The following ABCC9 variants were observed in gnomAD, a reference collection of about 807,000 sequenced individuals.
ABCC9 encodes ATP-binding cassette sub-family C member 9.
ABCC9 carries 95 observed loss-of-function variants against 188.3 expected under a neutral mutation model. The ratio of observed to expected loss-of-function variants is 0.50; its 90% confidence interval spans 0.43 to 0.60. ABCC9 has a LOEUF of 0.60. Ranked by LOEUF, ABCC9 falls within the 20% of genes least tolerant of loss-of-function variation. The pLI, the probability that ABCC9 is intolerant of heterozygous loss-of-function variation, is 0.00. For missense variants in ABCC9, 1,102 were observed against 1,876.3 expected, an observed-to-expected ratio of 0.59 and a Z score of 7.62; for synonymous variants, 659 against 652.7, an observed-to-expected ratio of 1.01 and a Z score of -0.15.
intron 15 of ABCC9, among the ~76,000 whole-genome samples, chr12:21,884,672 T>C (rs1438040924): frequency 6.6e-6 from 1 of 152,152 alleles, no homozygotes; most frequent in Non-Finnish European, 1.5e-5. Context: ...AATAGTACAT[T>C]GCTAGGCTAC....
rs1941294760 is a variant in ABCC9, at chr12:21,798,931, G to T, written c.*2113C>A. The T allele has an allele frequency of 6.6e-6, 1 of 150,392 alleles. No individual in the cohort carries two copies. Among genetic ancestry groups the T allele is most frequent in the South Asian group, 2.1e-4 (1 of 4,716 alleles). 9.3% of individuals were successfully genotyped at this position (150,392 alleles called of 1,614,324 possible). On this transcript the variant is annotated 3_prime_UTR_variant, in exon 40 of 40. Coordinates refer to ENST00000261200, the MANE Select transcript of ABCC9 (RefSeq NM_020297.4). ...ACTATGCAGCCATACAAAATGATGA[G>T]TTCATGTCCTTTGTAGGGACATGGA...
At chr12:21,845,526 C>A in intron 26 of ABCC9, 77 bp downstream of exon 26, 1 of 1,151,270 alleles carries the variant, frequency 8.7e-7, no homozygotes, top group East Asian at 2.5e-5. Context: ...ATATAAGCAT[C>A]TAACTAGATA....
chr12:21,800,907 GA>G lies in ABCC9; in HGVS notation c.*136del, dbSNP rs1941395632. 2.0e-6 allele frequency: 2 copies of G among 1,010,446 alleles called. No individual in the cohort carries two copies. Among genetic ancestry groups the G allele is most frequent in the African/African-American group, 3.3e-5 (2 of 61,324 alleles). The allele number at this position is 1,010,446 out of a possible 1,614,324, so 62.6% of individuals were successfully genotyped here. A position where few individuals can be genotyped will look rare whatever the true frequency, so the allele number is the denominator to read the frequency against. On this transcript the variant is annotated 3_prime_UTR_variant, in exon 40 of 40. Transcript: ENST00000261200. The stretch of plus-strand genomic sequence containing the variant: ...TCTTGAAAAACTGTTTTAAAAACAG[GA>G]AAAATAAATGTCCACTTTTTGTGCA...
intron 18 of ABCC9, among the ~76,000 whole-genome samples, chr12:21,871,052 C>A (rs1216360585): frequency 2.6e-5 from 4 of 152,274 alleles, no homozygotes; most frequent in East Asian, 3.9e-4. Flanking sequence ...AAAATAAAAT[C>A]TCAAGCCTTT....
intron 15 of ABCC9, among the ~76,000 whole-genome samples, chr12:21,887,086 T>C (rs926959908): frequency 1.3e-5 from 2 of 151,880 alleles, no homozygotes; most frequent in Non-Finnish European, 2.9e-5. Context: ...TCACATGTCT[T>C]GTTCATTGCT....
At chr12:21,917,608 A>C (rs755292095) in intron 5 of ABCC9, among the ~76,000 whole-genome samples, 44 of 152,190 alleles carry the variant, frequency 2.9e-4, no homozygotes, top group Admixed American at 6.6e-5. Context: ...TTATTCAAGT[A>C]GTAAGTGACT....
At chr12:21,851,211 A>G (rs1944948469) in intron 24 of ABCC9, among the ~76,000 whole-genome samples, 1 of 152,182 alleles carries the variant, frequency 6.6e-6, no homozygotes, top group African/African-American at 2.4e-5. Context: ...CAACTCAAGA[A>G]CAAAACATTT....
chr12:21,875,867 A>G (rs1319117580), intron 16 of ABCC9, 141 bp from the exon 17 acceptor site: 4 of 626,228 alleles, frequency 6.4e-6, no homozygotes, highest in Non-Finnish European at 1.1e-5. Context: ...GGTGGATCAC[A>G]AGGTCAGGAG....
chr12:21,915,514 A>ATATATATATTTTTTTT lies in ABCC9; in HGVS notation c.816+153_816+154insAAAAAAAATATATATA. On this transcript the variant is annotated intron_variant, in intron 7 of 39. Coordinates refer to ENST00000261200, the MANE Select transcript of ABCC9 (RefSeq NM_020297.4). ...TGTGTGTGTGTGTATATATATATAT[A>ATATATATATTTTTTTT]TTTTTTTTTTTTTTTTGAGACAGAG... is the stretch of plus-strand genomic sequence containing the variant. Among the ~76,000 whole-genome samples, 6 of 3,520 alleles carry ATATATATATTTTTTTT rather than the reference A, an allele frequency of 1.7e-3. 2 individuals carry two copies. The highest frequency in any genetic ancestry group is 6.8e-3 in the Admixed American group (1 of 148). The allele number at this position is 3,520 out of a possible 152,430, so 2.3% of individuals were successfully genotyped here.
chr12:21,869,995 A>G (rs1439802049), intron 18 of ABCC9, among the ~76,000 whole-genome samples: 1 of 152,180 alleles, frequency 6.6e-6, no homozygotes, highest in Non-Finnish European at 1.5e-5. Context: ...CCTGGATCAA[A>G]CTAGATGTTG....
rs1941387527 is a variant in ABCC9, at chr12:21,800,757, A to T, written c.*287T>A. 5.1e-6 allele frequency: 2 copies of T among 394,650 alleles called. No homozygotes were observed. Among genetic ancestry groups the T allele is most frequent in the African/African-American group, 4.1e-5 (2 of 48,906 alleles). The allele number at this position is 394,650 out of a possible 1,614,324, so 24.4% of individuals were successfully genotyped here. A position where few individuals can be genotyped will look rare whatever the true frequency, so the allele number is the denominator to read the frequency against. ...ATTTACCAGACTTAAAGTTAGGAGAAAACTTTAGCTATTGATTTATCACTT... is the reference window on the plus strand; with the variant it reads ...ATTTACCAGACTTAAAGTTAGGAGATAACTTTAGCTATTGATTTATCACTT... On this transcript the variant is annotated 3_prime_UTR_variant, in exon 40 of 40. Transcript: ENST00000261200.
intron 31 of ABCC9, among the ~76,000 whole-genome samples, chr12:21,819,453 C>A (rs112272338): frequency 2.9e-4 from 44 of 152,082 alleles, no homozygotes; most frequent in African/African-American, 8.2e-4. Context: ...AAAAACAGCT[C>A]GAAAGATCAA....
Position 21,799,134 on chromosome 12 carries a change from T to C in ABCC9, c.*1910A>G, listed in dbSNP as rs949640646. ...AGTGGGGAGGGATAGCATTGGGAGA[T>C]ATACCTAATGCTAGATGACGAGTTA... On this transcript the variant is annotated 3_prime_UTR_variant, in exon 40 of 40. Coordinates refer to ENST00000261200, the MANE Select transcript of ABCC9 (RefSeq NM_020297.4). The C allele has an allele frequency of 1.3e-5, 2 of 149,434 alleles. No homozygotes were observed. The highest frequency in any genetic ancestry group is 3.0e-5 in the Non-Finnish European group (2 of 67,486). The allele number at this position is 149,434 out of a possible 1,614,324, so 9.3% of individuals were successfully genotyped here. A position where few individuals can be genotyped will look rare whatever the true frequency, so the allele number is the denominator to read the frequency against.
chr12:21,820,660 T>A (rs1377979436), intron 31 of ABCC9, among the ~76,000 whole-genome samples: 9 of 152,126 alleles, frequency 5.9e-5, no homozygotes, highest in African/African-American at 2.2e-4. Flanking sequence ...GCCTTTTTCC[T>A]ATTCTTGGGA....
In ABCC9 at chr12:21,861,047, G is replaced by A. The variant is rs1195562877; in HGVS notation, c.2348C>T (p.Ala783Val). Residue 783 changes from alanine to valine, a missense_variant, in exon 21 of 40, where the codon GCT (alanine) becomes GTT (valine). Transcript: ENST00000261200. ...CTGAAGAGAACAGGCATCTGTGACA[G>A]CTTTGTACCTTTGGGAGAAATGATT... ...GSPFNKQRYK[A>V]VTDACSLQPD... 20 of 1,613,032 alleles carry A rather than the reference G, an allele frequency of 1.2e-5. No homozygotes were observed. In the Admixed American group the frequency reaches 2.8e-4, roughly 23 times the overall value.
chr12:21,818,561 T>TGTGTGTGA (rs1339574313), intron 31 of ABCC9, among the ~76,000 whole-genome samples: 1 of 142,732 alleles, frequency 7.0e-6, no homozygotes, highest in African/African-American at 2.6e-5. Flanking sequence ...TGTGTGTGTG[T>TGTGTGTGA]GATATGGGTT....
At chr12:21,840,824 A>T (rs368930672) in intron 29 of ABCC9, among the ~76,000 whole-genome samples, 3 of 152,260 alleles carry the variant, frequency 2.0e-5, no homozygotes, top group East Asian at 3.8e-4. Context: ...TTCATAGCTA[A>T]GAGGGAGAAA....
intron 31 of ABCC9, among the ~76,000 whole-genome samples, chr12:21,825,625 A>C (rs1417765394): frequency 6.7e-6 from 1 of 149,414 alleles, no homozygotes; most frequent in Non-Finnish European, 1.5e-5. Context: ...GGGGAACATT[A>C]TACATTGGGA....
In ABCC9 at chr12:21,842,423, G is replaced by A. The variant is rs765467874; in HGVS notation, c.3364C>T (p.Leu1122=). 1.5e-5 allele frequency: 24 copies of A among 1,614,038 alleles called. No homozygotes were observed. The highest frequency in any genetic ancestry group is 3.4e-6 in the Non-Finnish European group (4 of 1,180,008). ...TAAGAAATCATCCCAATGGCAGACA[G>A]GCAGAGCAGTGTTGAGCGAGTTAGA... The part of the protein sequence containing the change: ...ESLTRSTLLC[L]SAIGMISYAT... Residue 1122 remains leucine (L), a synonymous_variant, in exon 29 of 40, where the codon CTG becomes TTG. Coordinates refer to ENST00000261200, the MANE Select transcript of ABCC9 (RefSeq NM_020297.4).
Sources: allele counts gnomAD v4.1 joint callset (sites outside exome capture counted in the v4.1 genomes callset), GRCh38; gene constraint gnomAD v4.1.1; transcripts MANE v1.5; gene names NCBI Gene and HGNC (gene_info 2026-07-23, HGNC 2026-07-21).